Variants in TMEM108 observed in about 807,000 individuals in gnomAD.
TMEM108 encodes the protein cancer/testis antigen 124.
A neutral mutation model predicts 35.1 loss-of-function variants in TMEM108; 12 were observed. The observed-to-expected ratio is 0.34, with a 90% confidence interval of 0.22 to 0.55. The LOEUF is 0.55. Among genes scored for constraint, TMEM108 ranks in the 20% least tolerant of loss-of-function variants. TMEM108 has a pLI of 0.89. For synonymous variants in TMEM108, 287 were observed against 308.6 expected (o/e 0.93, Z 0.73); for missense variants, 680 against 753.3 (o/e 0.90, Z 1.14).
chr3:133,134,980 A>G (rs1944544285), intron 2 of TMEM108, among the ~76,000 whole-genome samples: 1 of 152,054 alleles, frequency 6.6e-6, no homozygotes, highest in Non-Finnish European at 1.5e-5. Context: ...TAAAAAAAAA[A>G]TCTCTATTTG....
intron 3 of TMEM108, among the ~76,000 whole-genome samples, chr3:133,296,942 T>G (rs1947154166): frequency 6.6e-6 from 1 of 152,174 alleles, no homozygotes; most frequent in Admixed American, 6.6e-5. Context: ...CTATCCCCAC[T>G]TTCTTAATGG....
At position 133,349,081 on chromosome 3, in the gene TMEM108, T is replaced by C. The variant is rs2071909701; in HGVS notation, c.41-30671T>C. The stretch of plus-strand genomic sequence containing the variant: ...ATTACAGGAAAAAAGCAGACAGTGC[T>C]CTTGAGCAAAAGAAAATATACAGGT... On this transcript the variant is annotated intron_variant, in intron 3 of 5. Coordinates refer to ENST00000321871, the MANE Select transcript of TMEM108 (RefSeq NM_023943.4). Among the ~76,000 whole-genome samples the C allele has an allele frequency of 3.3e-5, 5 of 152,116 alleles. No homozygotes were observed. The South Asian group carries it at 8.3e-4, about 25-fold the overall frequency.
chr3:133,387,249 CT>C, intron 4 of TMEM108: 2 of 985,456 alleles, frequency 2.0e-6, no homozygotes, highest in Non-Finnish European at 2.4e-6. Context: ...CTCTTTAATT[CT>C]CATTACAAGC....
intron 2 of TMEM108, among the ~76,000 whole-genome samples, chr3:133,061,254 C>A (rs1017627771): frequency 6.7e-6 from 1 of 150,030 alleles, no homozygotes. Context: ...CTCTGTCGCC[C>A]AGGCTGGAGT....
chr3:133,196,582 A>G (rs909522545), intron 2 of TMEM108, among the ~76,000 whole-genome samples: 7 of 152,186 alleles, frequency 4.6e-5, no homozygotes, highest in Non-Finnish European at 8.8e-5. Context: ...GGAAATCTAA[A>G]GTTAATAGTA....
chr3:133,212,039 A>C (rs1047081372), intron 2 of TMEM108, among the ~76,000 whole-genome samples: 3 of 152,256 alleles, frequency 2.0e-5, no homozygotes, highest in Admixed American at 6.5e-5. Flanking sequence ...CCTAGACTCC[A>C]GGCTGGCTGG....
chr3:133,081,651 G>A (rs34778757), intron 2 of TMEM108, among the ~76,000 whole-genome samples: 23,039 of 152,168 alleles, frequency 0.15, 1,875 homozygotes, highest in African/African-American at 0.22. Context: ...CTTATTTAAT[G>A]CTTCAGCATT....
At chr3:133,159,619 C>T (rs1944932480) in intron 2 of TMEM108, among the ~76,000 whole-genome samples, 2 of 152,194 alleles carry the variant, frequency 1.3e-5, no homozygotes, top group Admixed American at 6.5e-5. Flanking sequence ...GACTGTTCCA[C>T]ATGTTCATGT....
chr3:133,148,734 G>A (rs914599928), intron 2 of TMEM108, among the ~76,000 whole-genome samples: 2 of 152,124 alleles, frequency 1.3e-5, no homozygotes, highest in Non-Finnish European at 2.9e-5. Context: ...GGTGGCTCAT[G>A]TCTGTAATCC....
At chr3:133,299,471 G>A (rs1282273979) in intron 3 of TMEM108, among the ~76,000 whole-genome samples, 2 of 152,120 alleles carry the variant, frequency 1.3e-5, no homozygotes, top group Middle Eastern at 3.2e-3. Flanking sequence ...TTGTGAAGCC[G>A]TGTTTGCATG....
rs115470539 is a variant in TMEM108, at chr3:133,328,249, C to T, written c.41-51503C>T. Among the ~76,000 whole-genome samples the T allele has an allele frequency of 6.0e-3, 914 of 152,172 alleles. 9 individuals are homozygous for T. The highest frequency in any genetic ancestry group is 0.021 in the African/African-American group (869 of 41,510). On this transcript the variant is annotated intron_variant, in intron 3 of 5. Coordinates refer to ENST00000321871, the MANE Select transcript of TMEM108 (RefSeq NM_023943.4). Reference sequence around the variant, plus strand: ...GAACTGTTTAGGACAACGGTGTGTGCCTAATAGGGAATTAATTATTTGTGC... The same window carrying T: ...GAACTGTTTAGGACAACGGTGTGTGTCTAATAGGGAATTAATTATTTGTGC...
At chr3:133,078,574 ATT>A (rs1160369481) in intron 2 of TMEM108, among the ~76,000 whole-genome samples, 2 of 152,298 alleles carry the variant, frequency 1.3e-5, no homozygotes, top group Non-Finnish European at 2.9e-5. Context: ...TATTAGTGAT[ATT>A]TTGAGTTTTA....
intron 2 of TMEM108, among the ~76,000 whole-genome samples, chr3:133,200,557 A>G (rs568606346): frequency 3.9e-5 from 6 of 152,220 alleles, no homozygotes; most frequent in African/African-American, 1.4e-4. Context: ...CTGAAACCCA[A>G]TCCTCCCTGC....
chr3:133,081,045 T>C (rs1943803457), intron 2 of TMEM108, among the ~76,000 whole-genome samples: 3 of 152,318 alleles, frequency 2.0e-5, no homozygotes, highest in Non-Finnish European at 2.9e-5. Flanking sequence ...ACTTCTCGGA[T>C]ATAAAATGTG....
In TMEM108 at chr3:133,381,166, G is replaced by C; in HGVS notation, c.1450+5G>C. On this transcript the variant is annotated splice_donor_5th_base_variant and intron_variant, in intron 4 of 5. Transcript: ENST00000321871. ...GCGTGCCCATCTCCTCCTGCTGTAA[G>C]TGCCGCCCTCTCCCACCCATCCTCT... is the stretch of plus-strand genomic sequence containing the variant. The C allele has an allele frequency of 6.3e-7, 1 of 1,585,124 alleles. No homozygotes were observed. Among genetic ancestry groups the C allele is most frequent in the Non-Finnish European group, 8.6e-7 (1 of 1,161,816 alleles).
rs141784740 is a variant in TMEM108, at chr3:133,170,421, A to C, written c.-46-58845A>C. Among the ~76,000 whole-genome samples the C allele has an allele frequency of 3.3e-5, 5 of 152,346 alleles. No individual in the cohort carries two copies. The East Asian group carries it at 9.6e-4, about 29-fold the overall frequency. ...TCTGCTGTAAACTCTAGGATCTCCC[A>C]ACTCTCAGCTAAGGTATGAGTGAAG... On this transcript the variant is annotated intron_variant, in intron 2 of 5. Coordinates refer to ENST00000321871, the MANE Select transcript of TMEM108 (RefSeq NM_023943.4).
At chr3:133,338,013 CA>C (rs1247466604) in intron 3 of TMEM108, among the ~76,000 whole-genome samples, 1 of 151,232 alleles carries the variant, frequency 6.6e-6, no homozygotes, top group Non-Finnish European at 1.5e-5. Context: ...TCGGAGGAGG[CA>C]AAAGAAAAAA....
chr3:133,328,756 G>A (rs1330380180), intron 3 of TMEM108, among the ~76,000 whole-genome samples: 1 of 152,154 alleles, frequency 6.6e-6, no homozygotes, highest in Non-Finnish European at 1.5e-5. Context: ...GGAACCACAT[G>A]TTTATTTTAC....
intron 2 of TMEM108, among the ~76,000 whole-genome samples, chr3:133,214,507 TTC>T (rs1365911139): frequency 7.5e-6 from 1 of 133,166 alleles, no homozygotes; most frequent in African/African-American, 2.5e-5. Context: ...TAATCGAATC[TTC>T]TCTTTTCCTA....
Sources: allele counts gnomAD v4.1 joint callset (sites outside exome capture counted in the v4.1 genomes callset), GRCh38; gene constraint gnomAD v4.1.1; transcripts MANE v1.5; gene names NCBI Gene and HGNC (gene_info 2026-07-23, HGNC 2026-07-21).